Variants in LRCH3 observed in about 807,000 individuals in gnomAD.
The protein encoded by LRCH3 is leucine rich repeats and calponin homology domain containing 3.
Under a neutral mutation model 104.5 loss-of-function variants are expected in LRCH3, and 68 were observed. That is an observed-to-expected ratio of 0.65 (90% confidence interval 0.54 to 0.80). LRCH3 has a LOEUF of 0.80. Among genes scored for constraint, LRCH3 ranks in the 30% least tolerant of loss-of-function variants. The pLI is 0.00. For synonymous variants in LRCH3, 344 were observed against 361.3 expected (o/e 0.95, Z 0.54); for missense variants, 951 against 953.9 (o/e 1.00, Z 0.04).
chr3:197,852,733 T>C (rs1301468631), intron 13 of LRCH3, 113 bp downstream of exon 13: 14 of 1,087,718 alleles, frequency 1.3e-5, no homozygotes, highest in Non-Finnish European at 1.9e-5. Context: ...ATTTTTCTTT[T>C]TCCACCTCAC....
chr3:197,883,329 A>G lies in LRCH3; in HGVS notation c.2209-212A>G. Reference sequence around the variant, plus strand: ...TTTTCCAATTTTGAAAATGATCTGTATGTACTTTTAGTTGTATTAATAAAG... The same window carrying G: ...TTTTCCAATTTTGAAAATGATCTGTGTGTACTTTTAGTTGTATTAATAAAG... On this transcript the variant is annotated intron_variant, in intron 20 of 20. Transcript: ENST00000425562. This position sits in a 1 kb window ranked among gnomAD's most constrained non-coding sequence, Gnocchi z 4.2. 2.9e-6 allele frequency: 4 copies of G among 1,357,188 alleles called. No individual in the cohort carries two copies. Among genetic ancestry groups the G allele is most frequent in the Admixed American group, 3.3e-5 (1 of 29,952 alleles). The allele number at this position is 1,357,188 out of a possible 1,614,324, so 84.1% of individuals were successfully genotyped here.
Position 197,791,462 on chromosome 3 carries a change from C to G in LRCH3, c.184C>G (p.Leu62Val). 1.2e-6 allele frequency: 2 copies of G among 1,600,238 alleles called. No homozygotes were observed. Among genetic ancestry groups the G allele is most frequent in the Non-Finnish European group, 1.7e-6 (2 of 1,174,820 alleles). ...GGAGGAGGCGGCGGTCACTGGGGTGCTGAGCCTGAGCGGCCGGAAACTGAG... is the reference window on the plus strand; with the variant it reads ...GGAGGAGGCGGCGGTCACTGGGGTGGTGAGCCTGAGCGGCCGGAAACTGAG... ...ALEEAAVTGV[L>V]SLSGRKLREF... Residue 62 changes from leucine to valine, a missense_variant, in exon 1 of 21, where the codon CTG becomes GTG. Physicochemically the swap from Leu to Val is conservative, Grantham distance 32 (BLOSUM62 1). Transcript: ENST00000425562.
intron 1 of LRCH3, among the ~76,000 whole-genome samples, chr3:197,792,185 C>T (rs941403939): frequency 4.6e-5 from 7 of 151,778 alleles, no homozygotes; most frequent in Admixed American, 3.9e-4. Flanking sequence ...ATCTAGTTGA[C>T]TTACAAAATA....
At chr3:197,800,025 CAA>C (rs771569061) in intron 1 of LRCH3, among the ~76,000 whole-genome samples, 3 of 134,230 alleles carry the variant, frequency 2.2e-5, no homozygotes. Flanking sequence ...ACTAAAACTA[CAA>C]AAAAAAAAAA....
rs115361578 is a variant in LRCH3, at chr3:197,844,994, G to A, written c.1329-2415G>A. On this transcript the variant is annotated intron_variant, in intron 10 of 20. Transcript: ENST00000425562. ...TTTGGGGATGTCAAGATCATTGACA[G>A]ACTTGTGAGGTGAAAGAAAGTTTTA... Among the ~76,000 whole-genome samples the A allele has an allele frequency of 8.8e-3, 1,346 of 152,276 alleles. 12 individuals are homozygous for A. The highest frequency in any genetic ancestry group is 0.017 in the African/African-American group (705 of 41,552).
At chr3:197,833,431 G>A (rs558121502) in intron 8 of LRCH3, among the ~76,000 whole-genome samples, 2 of 136,312 alleles carry the variant, frequency 1.5e-5, no homozygotes, top group African/African-American at 5.4e-5. Flanking sequence ...CCAGCTACTC[G>A]GGAGGCTGAG....
intron 10 of LRCH3, among the ~76,000 whole-genome samples, chr3:197,843,085 A>T (rs1278198289): frequency 6.6e-4 from 6 of 9,134 alleles, no homozygotes; most frequent in Non-Finnish European, 1.1e-3. Context: ...ACTCTGTCTT[A>T]AAAAAAAAAA....
intron 14 of LRCH3, among the ~76,000 whole-genome samples, chr3:197,858,235 A>G (rs1360338936): frequency 6.6e-6 from 1 of 152,198 alleles, no homozygotes; most frequent in Non-Finnish European, 1.5e-5. Flanking sequence ...ATAATTATAT[A>G]GATACAATCT....
chr3:197,825,292 T>C (rs758173986), intron 4 of LRCH3, among the ~76,000 whole-genome samples: 10 of 151,762 alleles, frequency 6.6e-5, no homozygotes, highest in Non-Finnish European at 1.2e-4. Context: ...TTTAATGTGC[T>C]GGATACTTGG....
At position 197,847,861 on chromosome 3, in the gene LRCH3, T is replaced by A. The variant is rs753461760; in HGVS notation, c.1381-11T>A. The A allele has an allele frequency of 6.2e-7, 1 of 1,613,220 alleles. No homozygotes were observed. Among genetic ancestry groups the A allele is most frequent in the Admixed American group, 1.7e-5 (1 of 59,778 alleles). On this transcript the variant is annotated splice_polypyrimidine_tract_variant and intron_variant, in intron 11 of 20. Coordinates refer to ENST00000425562, the MANE Select transcript of LRCH3 (RefSeq NM_001365715.1). ...TTTACTTTTGTATGCACAATAACGC[T>A]TTGGTTCCAGCTGTCACACACAGAC...
chr3:197,845,411 A>C (rs964163349), intron 10 of LRCH3, among the ~76,000 whole-genome samples: 8 of 151,446 alleles, frequency 5.3e-5, no homozygotes, highest in Admixed American at 2.0e-4. Flanking sequence ...TCTGTCAAAA[A>C]AAAAAAAAAA....
At chr3:197,836,705 A>G (rs1736846145) in intron 9 of LRCH3, among the ~76,000 whole-genome samples, 1 of 152,202 alleles carries the variant, frequency 6.6e-6, no homozygotes, top group Admixed American at 6.5e-5. Context: ...AATGAAGCAG[A>G]GTCACTCTGT....
At chr3:197,855,931 C>G (rs745419990) in intron 14 of LRCH3, among the ~76,000 whole-genome samples, 1 of 152,184 alleles carries the variant, frequency 6.6e-6, no homozygotes, top group Non-Finnish European at 1.5e-5. Context: ...ATTATCAAAA[C>G]TGTGCTTCAG....
intron 1 of LRCH3, among the ~76,000 whole-genome samples, chr3:197,800,174 G>C (rs1354511783): frequency 6.6e-6 from 1 of 151,738 alleles, no homozygotes; most frequent in Non-Finnish European, 1.5e-5. Context: ...CTCCACTCCA[G>C]CCTAGGCGAC....
chr3:197,850,844 C>T, intron 12 of LRCH3: 1 of 1,023,160 alleles, frequency 9.8e-7, no homozygotes, highest in Non-Finnish European at 1.6e-6. Flanking sequence ...TATGCATACC[C>T]TTGGTGGCCT....
At chr3:197,846,160 G>A (rs898647750) in intron 10 of LRCH3, among the ~76,000 whole-genome samples, 5 of 152,026 alleles carry the variant, frequency 3.3e-5, no homozygotes, top group East Asian at 1.9e-4. Context: ...CCCAGCACTC[G>A]GAGGCCTCGG....
chr3:197,818,657 T>A (rs1038220248), intron 3 of LRCH3, among the ~76,000 whole-genome samples: 1 of 152,218 alleles, frequency 6.6e-6, no homozygotes, highest in Non-Finnish European at 1.5e-5. Flanking sequence ...AAACATGAAC[T>A]AGAAGTAAAC....
At chr3:197,867,539 A>C (rs1226243614) in intron 17 of LRCH3, among the ~76,000 whole-genome samples, 3 of 151,864 alleles carry the variant, frequency 2.0e-5, no homozygotes, top group South Asian at 2.1e-4. Context: ...GCAACATGGC[A>C]AAACCCCATC....
intron 1 of LRCH3, among the ~76,000 whole-genome samples, chr3:197,808,807 G>A (rs1419447429): frequency 6.6e-6 from 1 of 152,130 alleles, no homozygotes; most frequent in African/African-American, 2.4e-5. Context: ...GGAAGGCTGA[G>A]GTGGGAGGAT....
Sources: gnomAD v4.1 joint callset for allele counts (sites outside exome capture counted in the v4.1 genomes callset) on GRCh38, gnomAD v4.1.1 for gene constraint, Gnocchi (gnomAD v3.1) non-coding constraint, MANE v1.5 for transcripts, NCBI Gene and HGNC (gene_info 2026-07-23, HGNC 2026-07-21) for gene names.